TACC2: variants seen among roughly 807,000 people sequenced by gnomAD.
TACC2 encodes transforming acidic coiled-coil-containing protein 2.
TACC2 carries 137 observed loss-of-function variants against 227.3 expected under a neutral mutation model. The observed-to-expected ratio is 0.60, with a 90% CI of 0.52 to 0.69. The LOEUF is 0.69. Ranked by LOEUF, TACC2 falls within the 30% of genes least tolerant of loss-of-function variation. TACC2 has a pLI of 0.00. For missense variants in TACC2, 3,470 were observed against 3,694.4 expected, an observed-to-expected ratio of 0.94 and a Z score of 1.57; for synonymous variants, 1,523 against 1,487.5, an observed-to-expected ratio of 1.02 and a Z score of -0.55.
chr10:122,121,681 A>G (rs2085834712), intron 5 of TACC2, among the ~76,000 whole-genome samples: 1 of 146,692 alleles, frequency 6.8e-6, no homozygotes, highest in Admixed American at 7.1e-5. Context: ...AAAGCATCAC[A>G]TTGTATCAGC....
chr10:122,110,521 A>T (rs969707883), intron 5 of TACC2, among the ~76,000 whole-genome samples: 1 of 152,102 alleles, frequency 6.6e-6, no homozygotes, highest in African/African-American at 2.4e-5. Flanking sequence ...TTCATCTTCT[A>T]ATGAGTTGGT....
chr10:122,237,877 G>A lies in TACC2; in HGVS notation c.8272-84G>A, dbSNP rs777905528. On this transcript the variant is annotated intron_variant, in intron 17 of 22. Coordinates refer to ENST00000369005, the MANE Select transcript of TACC2 (RefSeq NM_206862.4). ...AGTTTTCATTCCACATTTATTCACC[G>A]TCTCCTTTTCTTGATCTATGAATTG... The A allele has an allele frequency of 3.6e-5, 35 of 985,874 alleles. No homozygotes were observed. In the East Asian group the frequency reaches 3.7e-4, roughly 10 times the overall value. 61.1% of individuals were successfully genotyped at this position (985,874 alleles called of 1,614,324 possible).
intron 7 of TACC2, among the ~76,000 whole-genome samples, chr10:122,177,842 C>T (rs2093795536): frequency 6.6e-6 from 1 of 152,152 alleles, no homozygotes; most frequent in Admixed American, 6.5e-5. Flanking sequence ...GAACAACATG[C>T]CCCAGATTCA....
intron 8 of TACC2, among the ~76,000 whole-genome samples, chr10:122,203,301 C>T (rs2094946208): frequency 7.4e-6 from 1 of 135,696 alleles, no homozygotes; most frequent in African/African-American, 3.5e-5. Flanking sequence ...TCCTCACTTC[C>T]CAGTAGGGGC....
At chr10:122,220,782 G>A (rs2095508143) in intron 11 of TACC2, among the ~76,000 whole-genome samples, 1 of 152,234 alleles carries the variant, frequency 6.6e-6, no homozygotes, top group Non-Finnish European at 1.5e-5. Context: ...CTTACTTTGA[G>A]CTGTGCAGAG....
At chr10:122,002,950 C>T (rs1954593455) in intron 1 of TACC2, among the ~76,000 whole-genome samples, 1 of 152,142 alleles carries the variant, frequency 6.6e-6, no homozygotes, top group African/African-American at 2.4e-5. Flanking sequence ...CACCTGTAAT[C>T]CCAGCACTTT....
chr10:122,080,675 A>AG (rs977462582), intron 3 of TACC2, among the ~76,000 whole-genome samples: 10 of 152,282 alleles, frequency 6.6e-5, no homozygotes, highest in South Asian at 2.1e-4. Context: ...TATGGATTTG[A>AG]GGGGGGCACA....
chr10:122,003,339 T>C (rs1397733182), intron 1 of TACC2, among the ~76,000 whole-genome samples: 1 of 152,224 alleles, frequency 6.6e-6, no homozygotes, highest in Non-Finnish European at 1.5e-5. Flanking sequence ...GTTTTTCCTT[T>C]CCAGTTTTTT....
intron 1 of TACC2, among the ~76,000 whole-genome samples, chr10:121,998,849 A>G (rs377053265): frequency 2.0e-5 from 3 of 152,218 alleles, no homozygotes; most frequent in East Asian, 1.9e-4. Flanking sequence ...GAAATATCCA[A>G]TCCCTACCAA....
At chr10:122,143,177 T>C (rs984575098) in intron 6 of TACC2, among the ~76,000 whole-genome samples, 1 of 152,262 alleles carries the variant, frequency 6.6e-6, no homozygotes, top group Non-Finnish European at 1.5e-5. Context: ...TGTAAAGTTG[T>C]ATTTTAGTTC....
intron 2 of TACC2, among the ~76,000 whole-genome samples, chr10:122,028,607 A>G (rs1204252497): frequency 1.4e-5 from 2 of 146,856 alleles, no homozygotes; most frequent in South Asian, 2.1e-4. Flanking sequence ...TAGTTCCAAG[A>G]AGTTTGTTTG....
intron 3 of TACC2, among the ~76,000 whole-genome samples, chr10:122,072,774 G>C (rs1173907988): frequency 6.6e-6 from 1 of 152,064 alleles, no homozygotes; most frequent in African/African-American, 2.4e-5. Flanking sequence ...CCATCATTCA[G>C]TCACTCATTC....
At chr10:122,018,478 C>G (rs1956959290) in intron 1 of TACC2, among the ~76,000 whole-genome samples, 1 of 152,130 alleles carries the variant, frequency 6.6e-6, no homozygotes, top group South Asian at 2.1e-4. Flanking sequence ...GAAACCACCA[C>G]TTCTATTTAG....
chr10:122,208,149 G>C (rs751824067), intron 8 of TACC2, among the ~76,000 whole-genome samples: 13 of 152,210 alleles, frequency 8.5e-5, no homozygotes, highest in Non-Finnish European at 1.5e-4. Flanking sequence ...GGTAGAAAGA[G>C]CTCCGTATTT....
intron 7 of TACC2, among the ~76,000 whole-genome samples, chr10:122,174,598 G>GTT (rs1344812835): frequency 1.3e-5 from 2 of 151,762 alleles, no homozygotes; most frequent in African/African-American, 4.8e-5. Flanking sequence ...CTATGCTCCT[G>GTT]TTTTTTTTTA....
chr10:122,227,694 C>T (rs1311130628), intron 13 of TACC2, 143 bp from the exon 14 acceptor site: 2 of 869,538 alleles, frequency 2.3e-6, no homozygotes, highest in Non-Finnish European at 3.6e-6. Context: ...AGCCTAGAGG[C>T]TGCATGGCCA....
intron 5 of TACC2, among the ~76,000 whole-genome samples, chr10:122,097,080 C>A (rs2081527446): frequency 6.6e-6 from 1 of 151,942 alleles, no homozygotes; most frequent in Non-Finnish European, 1.5e-5. Context: ...AATCTCAGCA[C>A]TTTGAGAGGC....
intron 8 of TACC2, 121 bp downstream of exon 8, chr10:122,195,297 A>T: frequency 2.4e-6 from 2 of 834,354 alleles, no homozygotes; most frequent in Non-Finnish European, 1.8e-6. Context: ...CTTGGCTTTG[A>T]GTTGTGCTTG....
rs2094495618 is a variant in TACC2 at position 122,194,191 on chromosome 10, TG to T, written c.5835-846del. On this transcript the variant is annotated intron_variant, in intron 7 of 22. Transcript: ENST00000369005. This position sits in a 1 kb window ranked among gnomAD's most constrained non-coding sequence, Gnocchi z 4.4. ...CTCCCACCTGAGTCTCCCAAAGCGC[TG>T]GGATTAGAGGCATGAGCCACCGCAC... Among the ~76,000 whole-genome samples the T allele has an allele frequency of 6.6e-6, 1 of 152,232 alleles. No homozygotes were observed. Among genetic ancestry groups the T allele is most frequent in the Non-Finnish European group, 1.5e-5 (1 of 68,046 alleles).
Sources: gnomAD v4.1 joint callset for allele counts (sites outside exome capture counted in the v4.1 genomes callset) on GRCh38, gnomAD v4.1.1 for gene constraint, Gnocchi (gnomAD v3.1) non-coding constraint, MANE v1.5 for transcripts, NCBI Gene and HGNC (gene_info 2026-07-23, HGNC 2026-07-21) for gene names.